The following TMEM116 variants were observed in gnomAD, a reference collection of about 807,000 sequenced individuals.
TMEM116 encodes transmembrane protein 116.
TMEM116 carries 38 observed loss-of-function variants against 44.3 expected under a neutral mutation model. That is an observed-to-expected ratio of 0.86 (90% CI 0.66 to 1.12). TMEM116 has a LOEUF of 1.12. TMEM116 is among the 50% of genes most tolerant of loss of function. The pLI is 0.00. For missense variants in TMEM116, 354 were observed against 401.7 expected (o/e 0.88, Z 1.01); for synonymous variants, 132 against 144.8 (o/e 0.91, Z 0.64).
intron 4 of TMEM116, among the ~76,000 whole-genome samples, chr12:111,967,551 C>T (rs1375072550): frequency 6.6e-6 from 1 of 151,896 alleles, no homozygotes; most frequent in Non-Finnish European, 1.5e-5. Flanking sequence ...TCTCTGAGGC[C>T]TCCCAATTTC....
At chr12:111,993,969 T>C (rs1209336421) in intron 3 of TMEM116, 1 of 601,302 alleles carries the variant, frequency 1.7e-6, no homozygotes, top group Non-Finnish European at 3.2e-6. Flanking sequence ...TACAGTAGTT[T>C]ATCTATGATT....
At chr12:112,013,208 A>T (rs1447345055), upstream of TMEM116, 1 of 423,684 alleles carries the variant, frequency 2.4e-6, no homozygotes, top group Non-Finnish European at 4.2e-6. Flanking sequence ...CGCGCGCAGG[A>T]GCCCATTTTC....
At chr12:112,000,014 T>C (rs2077163741) in intron 3 of TMEM116, among the ~76,000 whole-genome samples, 1 of 152,216 alleles carries the variant, frequency 6.6e-6, no homozygotes, top group Non-Finnish European at 1.5e-5. Flanking sequence ...CTTTTGTAGA[T>C]TTTTCTAACA....
At chr12:111,978,151 C>G (rs920157523) in intron 4 of TMEM116, among the ~76,000 whole-genome samples, 2 of 150,130 alleles carry the variant, frequency 1.3e-5, no homozygotes, top group African/African-American at 2.5e-5. Flanking sequence ...CCTGTAATCC[C>G]AGCACTTTGG....
chr12:111,988,131 T>C (rs772245385), intron 4 of TMEM116, among the ~76,000 whole-genome samples: 3 of 152,028 alleles, frequency 2.0e-5, no homozygotes, highest in South Asian at 2.1e-4. Flanking sequence ...GTTGAATTCA[T>C]AGAGACAGAA....
chr12:111,943,430 C>T, intron 4 of TMEM116, 61 bp from the exon 5 acceptor site: 3 of 1,160,008 alleles, frequency 2.6e-6, no homozygotes, highest in Non-Finnish European at 3.8e-6. Flanking sequence ...GAAGTTCTTT[C>T]AACATACTTC....
In TMEM116 at chr12:111,933,889, G is replaced by A; in HGVS notation, c.730C>T (p.Pro244Ser). Residue 244 changes from proline (P) to serine (S), a missense_variant, in exon 9 of 11, where the codon CCA becomes TCA. Transcript: ENST00000552374. ...TCTCTTCTTGTTAAGTACCTACCTG[G>A]GCCCCAGCAGCAAAAGAAGGCCACT... is the stretch of plus-strand genomic sequence containing the variant. ...YPVAFFCCWG[P>S]AVILMIIKLT... 1 of 1,613,670 alleles carries A rather than the reference G, an allele frequency of 6.2e-7. No homozygotes were observed. Among genetic ancestry groups the A allele is most frequent in the Non-Finnish European group, 8.5e-7 (1 of 1,179,904 alleles).
chr12:111,939,785 A>C (rs934415403), intron 5 of TMEM116, among the ~76,000 whole-genome samples: 1 of 151,850 alleles, frequency 6.6e-6, no homozygotes, highest in African/African-American at 2.4e-5. Context: ...CTGTGATCAT[A>C]TTACTGCACT....
chr12:111,931,483 A>G lies in TMEM116; in HGVS notation c.*138T>C. 1.3e-6 allele frequency: 1 copy of G among 755,282 alleles called. No individual in the cohort carries two copies. The highest frequency in any genetic ancestry group is 2.2e-6 in the Non-Finnish European group (1 of 463,948). 46.8% of individuals were successfully genotyped at this position (755,282 alleles called of 1,614,324 possible). On this transcript the variant is annotated 3_prime_UTR_variant, in exon 11 of 11. Coordinates refer to ENST00000552374, the MANE Select transcript of TMEM116 (RefSeq NM_001193531.2). ...TCCCAATTCATCTAGAATGACTACT[A>G]ACAATGGCACTATATTTCCTTTGAG...
intron 3 of TMEM116, among the ~76,000 whole-genome samples, chr12:111,995,717 G>A (rs1250383647): frequency 1.3e-5 from 2 of 151,884 alleles, no homozygotes; most frequent in Non-Finnish European, 2.9e-5. Context: ...CAGCCTGAGC[G>A]ACAGAGTGAG....
chr12:111,996,838 A>G (rs2076954895), intron 3 of TMEM116, among the ~76,000 whole-genome samples: 1 of 152,248 alleles, frequency 6.6e-6, no homozygotes, highest in Non-Finnish European at 1.5e-5. Context: ...AATACCAGAC[A>G]TCAATGAAAA....
At chr12:111,954,506 T>C (rs1478938900) in intron 4 of TMEM116, among the ~76,000 whole-genome samples, 1 of 152,216 alleles carries the variant, frequency 6.6e-6, no homozygotes, top group Non-Finnish European at 1.5e-5. Context: ...TTATCTAATT[T>C]CTTCTTCACA....
chr12:111,999,528 G>A (rs1330052772), intron 3 of TMEM116, among the ~76,000 whole-genome samples: 1 of 151,840 alleles, frequency 6.6e-6, no homozygotes, highest in Non-Finnish European at 1.5e-5. Context: ...AGACCCTGGT[G>A]ACAGAGGTTG....
intron 3 of TMEM116, among the ~76,000 whole-genome samples, chr12:111,994,294 A>G (rs930138231): frequency 3.3e-5 from 5 of 152,196 alleles, no homozygotes; most frequent in African/African-American, 1.2e-4. Flanking sequence ...TTGAAAAAAA[A>G]AGAAGAACTT....
At chr12:111,936,650 T>C in intron 8 of TMEM116, 42 bp downstream of exon 8, 2 of 1,597,502 alleles carry the variant, frequency 1.3e-6, no homozygotes, top group East Asian at 2.2e-5. Flanking sequence ...ATCCCCTTCA[T>C]TTCCTCATCT....
At chr12:111,940,534 TATATATATATACACACACAC>T (rs2072695035) in intron 5 of TMEM116, among the ~76,000 whole-genome samples, 1 of 117,406 alleles carries the variant, frequency 8.5e-6, no homozygotes, top group African/African-American at 4.4e-5. Flanking sequence ...TATATATATA[TATATATATATACACACACAC>T]ATATATATGT....
chr12:111,964,328 G>C (rs1290869904), intron 4 of TMEM116, among the ~76,000 whole-genome samples: 2 of 151,682 alleles, frequency 1.3e-5, no homozygotes, highest in Non-Finnish European at 2.9e-5. Context: ...TGTAGTCCCA[G>C]CTACTTGGGA....
intron 4 of TMEM116, among the ~76,000 whole-genome samples, chr12:111,964,100 G>T (rs2074809332): frequency 7.0e-6 from 1 of 143,748 alleles, no homozygotes. Context: ...GGGACCCACT[G>T]AACTACTTCT....
At chr12:111,936,985 T>C (rs866074886) in intron 7 of TMEM116, among the ~76,000 whole-genome samples, 155 bp from the exon 8 acceptor site, 1 of 152,238 alleles carries the variant, frequency 6.6e-6, no homozygotes, top group Non-Finnish European at 1.5e-5. Context: ...CTTGTAGTCA[T>C]TTTGTGTTAC....
Sources: allele counts gnomAD v4.1 joint callset (sites outside exome capture counted in the v4.1 genomes callset), GRCh38; gene constraint gnomAD v4.1.1; transcripts MANE v1.5; gene names NCBI Gene and HGNC (gene_info 2026-07-23, HGNC 2026-07-21).